Variants in MLLT1 observed in about 807,000 individuals in gnomAD.
The protein encoded by MLLT1 is protein ENL.
In MLLT1, 11 loss-of-function variants were observed where a neutral mutation model predicts 55.1. The ratio of observed to expected loss-of-function variants is 0.20; its 90% CI spans 0.13 to 0.33. The LOEUF (loss-of-function observed/expected upper bound fraction) is 0.33. Ranked by LOEUF, MLLT1 falls within the 10% of genes least tolerant of loss-of-function variation. The pLI, the probability that MLLT1 is intolerant of heterozygous loss-of-function variation, is 1.00. For missense variants in MLLT1, 536 were observed against 760.6 expected (o/e 0.70, Z 3.47); for synonymous variants, 323 against 320.1 (o/e 1.01, Z -0.10).
rs904167631 is a variant in MLLT1 at position 6,227,007 on chromosome 19, G to A, written c.516C>T (p.Pro172=). ...PTIPLSAFSD[P]KKTKPSHGSK... Reference sequence around the variant, plus strand: ...AGCCGTGGGATGGTTTGGTCTTCTTGGGGTCAGAGAAGGCAGAGAGTGGAA... The same window carrying A: ...AGCCGTGGGATGGTTTGGTCTTCTTAGGGTCAGAGAAGGCAGAGAGTGGAA... Residue 172 remains proline, a synonymous_variant, in exon 5 of 12, where the codon CCC becomes CCT. Coordinates refer to ENST00000252674, the MANE Select transcript of MLLT1 (RefSeq NM_005934.4). The surrounding 1 kb of genome is among the most constrained non-coding windows in gnomAD (Gnocchi z 5.1). 9 of 1,604,950 alleles carry A rather than the reference G, an allele frequency of 5.6e-6. No homozygotes were observed. Among genetic ancestry groups the A allele is most frequent in the Non-Finnish European group, 6.8e-6 (8 of 1,176,634 alleles).
chr19:6,230,393 G>A lies in MLLT1; in HGVS notation c.420+177C>T, dbSNP rs762177946. On this transcript the variant is annotated intron_variant, in intron 4 of 11. Transcript: ENST00000252674. The surrounding 1 kb of genome is among the most constrained non-coding windows in gnomAD (Gnocchi z 9.0). ...GCAACGAGTCACCTGCAGCCACCAC[G>A]CCCCGGCACAGGTTGTGGAGCTCCC... Among the ~76,000 whole-genome samples, 1 of 152,180 alleles carries A rather than the reference G, an allele frequency of 6.6e-6. No homozygotes were observed. Among genetic ancestry groups the A allele is most frequent in the African/African-American group, 2.4e-5 (1 of 41,452 alleles).
chr19:6,254,266 C>T (rs1423829794), intron 3 of MLLT1, among the ~76,000 whole-genome samples: 3 of 152,230 alleles, frequency 2.0e-5, no homozygotes, highest in African/African-American at 7.2e-5. Flanking sequence ...TCCAGGCTGG[C>T]CCGTCTGAGG....
chr19:6,232,867 G>A (rs930855629), intron 3 of MLLT1, among the ~76,000 whole-genome samples: 3 of 152,216 alleles, frequency 2.0e-5, no homozygotes, highest in Non-Finnish European at 2.9e-5. Flanking sequence ...GAATCACAAC[G>A]CACTTTGTTA....
At chr19:6,217,161 C>A (rs1270108454) in intron 7 of MLLT1, among the ~76,000 whole-genome samples, 1 of 152,120 alleles carries the variant, frequency 6.6e-6, no homozygotes, top group Non-Finnish European at 1.5e-5. Flanking sequence ...ACACTTGGAG[C>A]GAGTGTAGGC....
intron 5 of MLLT1, among the ~76,000 whole-genome samples, chr19:6,225,165 A>G (rs75883363): frequency 0.024 from 3,622 of 152,266 alleles, 150 homozygotes; most frequent in African/African-American, 0.083. Flanking sequence ...TGCCCCCTCT[A>G]TGAGGCTGTG....
Position 6,213,920 on chromosome 19 carries a change from C to A in MLLT1, c.1407+19G>T. 6.8e-7 allele frequency: 1 copy of A among 1,471,444 alleles called. No homozygotes were observed. Among genetic ancestry groups the A allele is most frequent in the Admixed American group, 2.3e-5 (1 of 44,322 alleles). The allele number at this position is 1,471,444 out of a possible 1,614,324, so 91.1% of individuals were successfully genotyped here. On this transcript the variant is annotated intron_variant, in intron 9 of 11. Transcript: ENST00000252674. ...GCCCGGCCTCTGGTGCACCCCCTGC[C>A]TGCAGGCCCCAGGCTCACCTTGCTG...
At chr19:6,265,057 C>CAAAAAAAAAAAAAAAAAA (rs1206210263) in intron 2 of MLLT1, among the ~76,000 whole-genome samples, 1 of 32,602 alleles carries the variant, frequency 3.1e-5, no homozygotes, top group African/African-American at 9.5e-5. Flanking sequence ...AACAAAAAAA[C>CAAAAAAAAAAAAAAAAAA]AAAAAAACAA....
At chr19:6,251,756 C>G (rs1428761223) in intron 3 of MLLT1, among the ~76,000 whole-genome samples, 1 of 147,526 alleles carries the variant, frequency 6.8e-6, no homozygotes, top group Non-Finnish European at 1.5e-5. Flanking sequence ...AAAACCCCAT[C>G]TCTACCTCCC....
Position 6,212,296 on chromosome 19 carries a change from G to A in MLLT1, c.*746C>T, listed in dbSNP as rs1442642653. On this transcript the variant is annotated 3_prime_UTR_variant, in exon 12 of 12. Transcript: ENST00000252674. ...TAGGAGGCGGCGGCATCCTTGGAAC[G>A]GCAAAGGGAGAATTCCTCCATGCGC... 3 of 1,065,502 alleles carry A rather than the reference G, an allele frequency of 2.8e-6. No homozygotes were observed. Among genetic ancestry groups the A allele is most frequent in the East Asian group, 1.0e-4 (2 of 20,082 alleles). 66.0% of individuals were successfully genotyped at this position (1,065,502 alleles called of 1,614,324 possible). A position where few individuals can be genotyped will look rare whatever the true frequency, so the allele number is the denominator to read the frequency against.
chr19:6,276,062 T>C (rs1369923579), intron 1 of MLLT1, among the ~76,000 whole-genome samples: 2 of 152,200 alleles, frequency 1.3e-5, no homozygotes, highest in Non-Finnish European at 2.9e-5. Context: ...GTTACTTGTA[T>C]TTAACCAGCA....
In MLLT1 at chr19:6,215,490, C is replaced by T. The variant is rs928770159; in HGVS notation, c.1307+915G>A. Among the ~76,000 whole-genome samples the T allele has an allele frequency of 2.0e-5, 3 of 152,246 alleles. No homozygotes were observed. The South Asian group carries it at 6.2e-4, about 32-fold the overall frequency. ...GCGGCTCCCCCGCAGTGAGCCACTG[C>T]TCCTGCTCTGTCTGCGGTGGGTGGG... On this transcript the variant is annotated intron_variant, in intron 8 of 11. Transcript: ENST00000252674.
chr19:6,279,681 A>T (rs1396012278), intron 1 of MLLT1, 92 bp downstream of exon 1: 1 of 109,404 alleles, frequency 9.1e-6, no homozygotes, highest in Non-Finnish European at 1.9e-5. Context: ...GCGGGCGCGG[A>T]GCGGGGAGGC....
At position 6,262,103 on chromosome 19, in the gene MLLT1, C is replaced by T. The variant is rs2091310571; in HGVS notation, c.276+125G>A. On this transcript the variant is annotated intron_variant, in intron 3 of 11. Transcript: ENST00000252674. The surrounding 1 kb of genome is among the most constrained non-coding windows in gnomAD (Gnocchi z 4.4). ...AGATGGTGACCAGCACCCCCCGCAG[C>T]ACTCACTGGAATGTCTGTGCATGGG... 2.7e-6 allele frequency: 2 copies of T among 736,498 alleles called. No individual in the cohort carries two copies. Among genetic ancestry groups the T allele is most frequent in the Admixed American group, 4.2e-5 (2 of 47,928 alleles). 45.6% of individuals were successfully genotyped at this position (736,498 alleles called of 1,614,324 possible). A position where few individuals can be genotyped will look rare whatever the true frequency, so the allele number is the denominator to read the frequency against.
At chr19:6,264,892 T>TAAAAA (rs34494210) in intron 2 of MLLT1, among the ~76,000 whole-genome samples, 1 of 73,646 alleles carries the variant, frequency 1.4e-5, no homozygotes, top group African/African-American at 5.5e-5. Context: ...GAAACTCTGT[T>TAAAAA]AAAAAAAAAA....
intron 3 of MLLT1, among the ~76,000 whole-genome samples, chr19:6,233,703 C>T (rs778538029): frequency 2.6e-5 from 4 of 152,340 alleles, no homozygotes; most frequent in East Asian, 1.9e-4. Context: ...CAGGCCCTGG[C>T]GCCTCTTGCC....
chr19:6,217,898 G>C, intron 7 of MLLT1, 56 bp downstream of exon 7: 1 of 1,547,350 alleles, frequency 6.5e-7, no homozygotes, highest in Non-Finnish European at 8.7e-7. Flanking sequence ...CATGTGGCCT[G>C]AGCTCCAGGC....
Position 6,222,116 on chromosome 19 carries a change from C to T in MLLT1, c.1110+5G>A. 1 of 1,500,568 alleles carries T rather than the reference C, an allele frequency of 6.7e-7. No individual in the cohort carries two copies. Among genetic ancestry groups the T allele is most frequent in the Non-Finnish European group, 8.9e-7 (1 of 1,122,806 alleles). The allele number at this position is 1,500,568 out of a possible 1,614,324, so 93.0% of individuals were successfully genotyped here. On this transcript the variant is annotated splice_donor_5th_base_variant and intron_variant, in intron 6 of 11. Transcript: ENST00000252674. This position sits in a 1 kb window ranked among gnomAD's most constrained non-coding sequence, Gnocchi z 4.1. ...CTGGCTGCCCTGCCCCCAGCACTCA[C>T]TCACCTCGGACTTGAAGGAGGCCTC...
At position 6,218,633 on chromosome 19, in the gene MLLT1, C is replaced by T. The variant is rs138407606; in HGVS notation, c.1111-592G>A. ...AGCCCGGCCCCACCCGCCTCCTCCT[C>T]CTGCAGCTGTCCTTCCAGGCTCAGC... On this transcript the variant is annotated intron_variant, in intron 6 of 11. Transcript: ENST00000252674. Among the ~76,000 whole-genome samples the T allele has an allele frequency of 2.7e-3, 406 of 152,238 alleles. 2 individuals are homozygous for T. Among genetic ancestry groups the T allele is most frequent in the African/African-American group, 9.3e-3 (387 of 41,554 alleles).
At chr19:6,234,409 G>A (rs2091040974) in intron 3 of MLLT1, among the ~76,000 whole-genome samples, 1 of 152,206 alleles carries the variant, frequency 6.6e-6, no homozygotes, top group South Asian at 2.1e-4. Context: ...AGGCACTTCT[G>A]GGCACAGGGC....
Sources: allele counts gnomAD v4.1 joint callset (sites outside exome capture counted in the v4.1 genomes callset), GRCh38; gene constraint gnomAD v4.1.1; non-coding constraint Gnocchi (gnomAD v3.1); transcripts MANE v1.5; gene names NCBI Gene and HGNC (gene_info 2026-07-23, HGNC 2026-07-21).